The following THRB variants were observed in gnomAD, a reference collection of about 807,000 sequenced individuals.
THRB encodes thyroid hormone receptor beta, also known as nuclear receptor subfamily 1 group A member 2.
In THRB, 12 loss-of-function variants were observed where a neutral mutation model predicts 47.8. That is an observed-to-expected ratio of 0.25 (90% CI 0.16 to 0.41). THRB has a LOEUF of 0.41. Among genes scored for constraint, THRB ranks in the 10% least tolerant of loss-of-function variants. The probability of loss-of-function intolerance (pLI) is 1.00; values close to 1 mark genes in which losing one functional copy is unlikely to be tolerated. For missense variants in THRB, 348 were observed against 589.2 expected, an observed-to-expected ratio of 0.59 and a Z score of 4.24; for synonymous variants, 218 against 212.2, an observed-to-expected ratio of 1.03 and a Z score of -0.24.
chr3:24,444,389 T>A (rs140661051), intron 1 of THRB, among the ~76,000 whole-genome samples: 1 of 152,234 alleles, frequency 6.6e-6, no homozygotes, highest in African/African-American at 2.4e-5. Context: ...TAGAAAACAG[T>A]ATCTTAAATA....
Position 24,340,780 on chromosome 3 carries a change from CCT to C in THRB, c.-260-3411_-260-3410del, listed in dbSNP as rs1307630635. 5.3e-5 allele frequency among the ~76,000 whole-genome samples: 8 copies of C among 152,268 alleles called. No individual in the cohort carries two copies. In the South Asian group the frequency reaches 1.7e-3, roughly 32 times the overall value. On this transcript the variant is annotated intron_variant, in intron 1 of 10. Coordinates refer to ENST00000646209, the MANE Select transcript of THRB (RefSeq NM_001354712.2). ...TCAATTTATGTCTACGTCTGAAAGTCCTGTTTCTCCATATCTTTGCTAATATG... is the reference window on the plus strand; with the variant it reads ...TCAATTTATGTCTACGTCTGAAAGTCGTTTCTCCATATCTTTGCTAATATG...
chr3:24,283,790 A>C (rs2150875035), intron 3 of THRB, among the ~76,000 whole-genome samples: 1 of 152,242 alleles, frequency 6.6e-6, no homozygotes, highest in South Asian at 2.1e-4. Flanking sequence ...TACACCAGTA[A>C]CAGACAGAGA....
chr3:24,338,059 C>G (rs2062380078), intron 1 of THRB, among the ~76,000 whole-genome samples: 1 of 152,196 alleles, frequency 6.6e-6, no homozygotes, highest in Non-Finnish European at 1.5e-5. Flanking sequence ...CAACTAACTG[C>G]AGTCCTACAA....
chr3:24,369,867 C>G (rs2064774799), intron 1 of THRB, among the ~76,000 whole-genome samples: 1 of 152,156 alleles, frequency 6.6e-6, no homozygotes, highest in Admixed American at 6.6e-5. Flanking sequence ...AAGACACAAC[C>G]TGTACCAAAA....
chr3:24,156,994 T>C (rs2037959974), intron 5 of THRB, among the ~76,000 whole-genome samples: 1 of 152,222 alleles, frequency 6.6e-6, no homozygotes, highest in African/African-American at 2.4e-5. Flanking sequence ...AACCCTGTGA[T>C]AGACACTATA....
intron 10 of THRB, among the ~76,000 whole-genome samples, chr3:24,124,262 T>C (rs1441943100): frequency 1.3e-5 from 2 of 152,204 alleles, no homozygotes; most frequent in Non-Finnish European, 2.9e-5. Context: ...ATCCCCTATT[T>C]AGCACAAATG....
rs762703451 is a variant in THRB at position 24,278,715 on chromosome 3, G to C, written c.-43+18511C>G. Among the ~76,000 whole-genome samples, 31 of 152,080 alleles carry C rather than the reference G, an allele frequency of 2.0e-4. 1 individual carries two copies. The highest frequency in any genetic ancestry group is 7.4e-5 in the Non-Finnish European group (5 of 68,026). ...ACTGTTTCCAGATTTTTAACTTCTT[G>C]TGGGCAAGAACCTTGTCTCAAAATG... is the stretch of plus-strand genomic sequence containing the variant. On this transcript the variant is annotated intron_variant, in intron 3 of 10. Coordinates refer to ENST00000646209, the MANE Select transcript of THRB (RefSeq NM_001354712.2).
At chr3:24,275,576 C>T (rs1576470170) in intron 3 of THRB, among the ~76,000 whole-genome samples, 1 of 152,300 alleles carries the variant, frequency 6.6e-6, no homozygotes, top group Non-Finnish European at 1.5e-5. Context: ...CCACCATCAT[C>T]ATGTCACTGT....
At chr3:24,230,283 T>TA (rs1559673583) in intron 3 of THRB, among the ~76,000 whole-genome samples, 4 of 152,238 alleles carry the variant, frequency 2.6e-5, no homozygotes. Context: ...CACCACACTG[T>TA]AATCTCTTTA....
chr3:24,493,585 C>T (rs960407449), intron 1 of THRB, among the ~76,000 whole-genome samples: 1 of 152,230 alleles, frequency 6.6e-6, no homozygotes, highest in Admixed American at 6.5e-5. Flanking sequence ...ACTGATTACA[C>T]AGTGTTTGAA....
At chr3:24,275,311 T>G (rs1284913021) in intron 3 of THRB, among the ~76,000 whole-genome samples, 1 of 152,186 alleles carries the variant, frequency 6.6e-6, no homozygotes, top group Non-Finnish European at 1.5e-5. Flanking sequence ...CACTTCTAAG[T>G]TTATGCAACA....
chr3:24,183,881 A>G (rs2042239075), intron 5 of THRB, among the ~76,000 whole-genome samples: 1 of 152,184 alleles, frequency 6.6e-6, no homozygotes, highest in Admixed American at 6.5e-5. Context: ...TAATAACATT[A>G]AACAAATTTA....
chr3:24,387,752 A>G (rs2066241741), intron 1 of THRB, among the ~76,000 whole-genome samples: 1 of 152,110 alleles, frequency 6.6e-6, no homozygotes, highest in Admixed American at 6.6e-5. Context: ...ATTGTAGGCC[A>G]CACCAATATA....
intron 1 of THRB, among the ~76,000 whole-genome samples, chr3:24,452,633 A>G (rs1267548174): frequency 1.3e-5 from 2 of 152,056 alleles, no homozygotes; most frequent in Non-Finnish European, 2.9e-5. Context: ...AACCGGCGCT[A>G]TAAACCACCT....
At chr3:24,420,329 C>T (rs2069121673) in intron 1 of THRB, among the ~76,000 whole-genome samples, 1 of 151,858 alleles carries the variant, frequency 6.6e-6, no homozygotes, top group Non-Finnish European at 1.5e-5. Context: ...ACCCAGGACA[C>T]ATGTCCACGT....
chr3:24,279,104 C>A (rs532824374), intron 3 of THRB, among the ~76,000 whole-genome samples: 30 of 152,266 alleles, frequency 2.0e-4, no homozygotes, highest in Non-Finnish European at 4.1e-4. Context: ...TTTGGCCTCC[C>A]AAAGTGCTGG....
intron 2 of THRB, among the ~76,000 whole-genome samples, chr3:24,334,941 C>T (rs139548065): frequency 6.6e-5 from 10 of 152,322 alleles, no homozygotes; most frequent in African/African-American, 2.4e-4. Flanking sequence ...GGGTATACAA[C>T]ATGTGTAACG....
intron 1 of THRB, chr3:24,493,961 T>C (rs569955071): frequency 1.2e-4 from 19 of 152,274 alleles, no homozygotes; most frequent in African/African-American, 2.2e-4. Context: ...GTTGGCACAA[T>C]TGGTATCACA....
At chr3:24,165,036 G>T in intron 5 of THRB, 10 of 726,654 alleles carry the variant, frequency 1.4e-5, no homozygotes, top group South Asian at 4.4e-5. Flanking sequence ...CCTTTTTTTT[G>T]AGAATACGAT....
Sources: allele counts gnomAD v4.1 joint callset (sites outside exome capture counted in the v4.1 genomes callset), GRCh38; gene constraint gnomAD v4.1.1; transcripts MANE v1.5; gene names NCBI Gene and HGNC (gene_info 2026-07-23, HGNC 2026-07-21).